ABTB3: variants seen among roughly 807,000 people sequenced by gnomAD.
ABTB3 encodes ankyrin repeat- and BTB/POZ domain-containing protein 3.
At chr12:107,338,726 C>T in the ABTB3 span, among the ~76,000 whole-genome samples, 1 of 152,300 alleles carries the variant, frequency 6.6e-6, no homozygotes, top group East Asian at 1.9e-4. Context: ...ATTATGAAGC[C>T]TTGTGGCTGA....
chr12:107,344,068 A>G, the ABTB3 span, among the ~76,000 whole-genome samples: 9 of 152,136 alleles, frequency 5.9e-5, no homozygotes, highest in Non-Finnish European at 8.8e-5. Flanking sequence ...GCCTTAACAC[A>G]TGGATTCCAG....
chr12:107,495,084 G>T, the ABTB3 span, among the ~76,000 whole-genome samples: 3 of 152,300 alleles, frequency 2.0e-5, no homozygotes, highest in South Asian at 6.2e-4. Context: ...CGCCCAAGGA[G>T]TCCTCTCCGG....
the ABTB3 span, among the ~76,000 whole-genome samples, chr12:107,614,286 A>C: frequency 6.6e-6 from 1 of 152,036 alleles, no homozygotes; most frequent in Non-Finnish European, 1.5e-5. Flanking sequence ...CCAATCTCAG[A>C]TTGTTCATTC....
the ABTB3 span, among the ~76,000 whole-genome samples, chr12:107,555,783 A>C: frequency 6.6e-6 from 1 of 152,126 alleles, no homozygotes; most frequent in African/African-American, 2.4e-5. Context: ...TCCCATCATC[A>C]CAGAAACTTC....
chr12:107,612,702 A>G, the ABTB3 span: 2 of 1,342,200 alleles, frequency 1.5e-6, no homozygotes, highest in Non-Finnish European at 2.1e-6. Flanking sequence ...CACAAGTAAG[A>G]TTCTCCATTT....
At chr12:107,479,438 G>A in the ABTB3 span, among the ~76,000 whole-genome samples, 2 of 151,818 alleles carry the variant, frequency 1.3e-5, no homozygotes, top group African/African-American at 4.8e-5. Flanking sequence ...GTCCACATCT[G>A]TAAAAGAAAG....
At chr12:107,337,247 C>T in the ABTB3 span, among the ~76,000 whole-genome samples, 1 of 152,176 alleles carries the variant, frequency 6.6e-6, no homozygotes, top group Admixed American at 6.5e-5. Context: ...GATTAATAGA[C>T]TTGTATGGGG....
At chr12:107,356,141 G>A in the ABTB3 span, among the ~76,000 whole-genome samples, 2 of 152,206 alleles carry the variant, frequency 1.3e-5, no homozygotes, top group Admixed American at 1.3e-4. Flanking sequence ...GCCCAACAAC[G>A]ATAGCTGGTC....
At chr12:107,463,134 A>ATGATGG in the ABTB3 span, among the ~76,000 whole-genome samples, 2 of 150,162 alleles carry the variant, frequency 1.3e-5, no homozygotes, top group East Asian at 2.0e-4. Flanking sequence ...AGTGATGGTG[A>ATGATGG]TGATGGTGAT....
At chr12:107,324,044 C>T in the ABTB3 span, among the ~76,000 whole-genome samples, 3 of 152,124 alleles carry the variant, frequency 2.0e-5, no homozygotes, top group African/African-American at 7.2e-5. Context: ...CCTCCAGTTT[C>T]CTCAGCTGTA....
chr12:107,635,180 A>G, the ABTB3 span: 10 of 949,374 alleles, frequency 1.1e-5, no homozygotes, highest in Non-Finnish European at 1.6e-5. Context: ...GGCCTGCAGT[A>G]AATGTGTGAG....
At chr12:107,442,421 A>G in the ABTB3 span, among the ~76,000 whole-genome samples, 1 of 152,120 alleles carries the variant, frequency 6.6e-6, no homozygotes, top group East Asian at 1.9e-4. Context: ...GAAACCGAAC[A>G]TTTTTTCGTT....
chr12:107,415,536 G>A, the ABTB3 span, among the ~76,000 whole-genome samples: 3 of 151,716 alleles, frequency 2.0e-5, no homozygotes, highest in Admixed American at 6.6e-5. Flanking sequence ...GTGAAACCCC[G>A]TCTCTACTAA....
the ABTB3 span, among the ~76,000 whole-genome samples, chr12:107,443,392 T>A: frequency 6.6e-6 from 1 of 151,970 alleles, no homozygotes; most frequent in East Asian, 1.9e-4. Context: ...GTACCTCCTT[T>A]GTTTTGAAGG....
the ABTB3 span, among the ~76,000 whole-genome samples, chr12:107,393,154 G>C: frequency 2.0e-5 from 3 of 152,162 alleles, no homozygotes; most frequent in Non-Finnish European, 4.4e-5. Context: ...AGGGGCCTTG[G>C]GGGTGATCAG....
At chr12:107,403,103 C>T in the ABTB3 span, among the ~76,000 whole-genome samples, 8 of 152,150 alleles carry the variant, frequency 5.3e-5, no homozygotes, top group African/African-American at 1.4e-4. Flanking sequence ...GTGTGAATAC[C>T]CTTTAATGAG....
At chr12:107,364,161 G>T in the ABTB3 span, among the ~76,000 whole-genome samples, 3 of 152,108 alleles carry the variant, frequency 2.0e-5, no homozygotes, top group Non-Finnish European at 2.9e-5. Context: ...TCCATGTGTT[G>T]GCTTGACATA....
At chr12:107,652,988 T>C in the ABTB3 span, among the ~76,000 whole-genome samples, 1 of 152,230 alleles carries the variant, frequency 6.6e-6, no homozygotes. Flanking sequence ...CTAGGCTCAC[T>C]GCAACCTCCT....
the ABTB3 span, among the ~76,000 whole-genome samples, chr12:107,602,593 T>A: frequency 6.6e-6 from 1 of 152,196 alleles, no homozygotes; most frequent in South Asian, 2.1e-4. Flanking sequence ...AACTGAACAA[T>A]AAAGTGGTTA....
Sources: gnomAD v4.1 joint callset for allele counts (sites outside exome capture counted in the v4.1 genomes callset) on GRCh38, gnomAD v4.1.1 for gene constraint, MANE v1.5 for transcripts, NCBI Gene and HGNC (gene_info 2026-07-23, HGNC 2026-07-21) for gene names.